Variants in ZHX2 observed in about 807,000 individuals in gnomAD.
ZHX2 encodes zinc fingers and homeoboxes 2, also known as zinc fingers and homeoboxes protein 2.
In ZHX2, 6 loss-of-function variants were observed where a neutral mutation model predicts 21.9. The ratio of observed to expected loss-of-function variants is 0.27; its 90% CI spans 0.15 to 0.54. The LOEUF (loss-of-function observed/expected upper bound fraction) is 0.54, where lower values mean the gene tolerates loss of function less well. ZHX2 is among the 20% of genes least tolerant of loss of function. The pLI, the probability that ZHX2 is intolerant of heterozygous loss-of-function variation, is 0.95. For missense variants in ZHX2, 908 were observed against 1,090.7 expected, an observed-to-expected ratio of 0.83 and a Z score of 2.36; for synonymous variants, 434 against 437.1, an observed-to-expected ratio of 0.99 and a Z score of 0.09.
chr8:122,845,613 G>C (rs1818735375), intron 1 of ZHX2, among the ~76,000 whole-genome samples: 1 of 152,212 alleles, frequency 6.6e-6, no homozygotes, highest in Non-Finnish European at 1.5e-5. Context: ...TAGAAGGCAT[G>C]GAAACAAGAG....
At chr8:122,943,777 G>C (rs1388005937) in intron 2 of ZHX2, among the ~76,000 whole-genome samples, 1 of 152,132 alleles carries the variant, frequency 6.6e-6, no homozygotes, top group Non-Finnish European at 1.5e-5. Flanking sequence ...GTTCTTCATT[G>C]ATGTGCCTCT....
In ZHX2 at chr8:122,973,559, T is replaced by C. The variant is rs1813782449; in HGVS notation, c.*322T>C. 1 of 152,670 alleles carries C rather than the reference T, an allele frequency of 6.6e-6. No homozygotes were observed. The highest frequency in any genetic ancestry group is 2.1e-4 in the South Asian group (1 of 4,832). 9.5% of individuals were successfully genotyped at this position (152,670 alleles called of 1,614,324 possible). On this transcript the variant is annotated 3_prime_UTR_variant, in exon 4 of 4. Coordinates refer to ENST00000314393, the MANE Select transcript of ZHX2 (RefSeq NM_014943.5). The stretch of plus-strand genomic sequence containing the variant: ...TGTACAATGTGGGAATTTTGTTACC[T>C]TTTTAATCAAGGGCAACTTCCTTTT...
chr8:122,948,655 A>G (rs1303638494), intron 2 of ZHX2, among the ~76,000 whole-genome samples: 5 of 152,370 alleles, frequency 3.3e-5, no homozygotes, highest in Non-Finnish European at 5.9e-5. Flanking sequence ...TACACAGATT[A>G]GATAACCCAG....
chr8:122,882,701 G>T (rs1037102319), intron 2 of ZHX2, among the ~76,000 whole-genome samples: 3 of 152,164 alleles, frequency 2.0e-5, no homozygotes, highest in Non-Finnish European at 2.9e-5. Context: ...AAACCAAGAG[G>T]CTGGGCACAG....
At chr8:122,861,035 CAA>C (rs36046690) in intron 1 of ZHX2, among the ~76,000 whole-genome samples, 20,719 of 64,486 alleles carry the variant, frequency 0.32, 859 homozygotes, top group East Asian at 0.38. Flanking sequence ...GACTTCGTCT[CAA>C]AAAAAAAAAA....
At chr8:122,970,896 C>G (rs957353209) in intron 3 of ZHX2, among the ~76,000 whole-genome samples, 5 of 152,326 alleles carry the variant, frequency 3.3e-5, no homozygotes, top group African/African-American at 1.2e-4. Flanking sequence ...CCACCATGCT[C>G]TCTTCAATTG....
chr8:122,788,446 A>G (rs907721848), intron 1 of ZHX2, among the ~76,000 whole-genome samples: 4 of 152,214 alleles, frequency 2.6e-5, no homozygotes, highest in Admixed American at 1.3e-4. Context: ...ACACACCTGT[A>G]GTCCCAGCTA....
At chr8:122,947,530 T>C (rs749425346) in intron 2 of ZHX2, among the ~76,000 whole-genome samples, 1 of 152,220 alleles carries the variant, frequency 6.6e-6, no homozygotes, top group African/African-American at 2.4e-5. Context: ...ATACAAATGA[T>C]AAACAAGTGG....
chr8:122,869,378 A>G (rs1317818992), intron 2 of ZHX2, among the ~76,000 whole-genome samples: 1 of 149,104 alleles, frequency 6.7e-6, no homozygotes, highest in Non-Finnish European at 1.5e-5. Context: ...CCCAGGCTGG[A>G]GTGCAGTGCT....
chr8:122,849,985 TGA>T (rs2130737399), intron 1 of ZHX2, among the ~76,000 whole-genome samples: 1 of 152,340 alleles, frequency 6.6e-6, no homozygotes, highest in East Asian at 1.9e-4. Context: ...CAACTTTCAT[TGA>T]GAGGCTTCCC....
chr8:122,905,575 A>T (rs1386368370), intron 2 of ZHX2, among the ~76,000 whole-genome samples: 1 of 152,254 alleles, frequency 6.6e-6, no homozygotes. Flanking sequence ...AACATCAGGA[A>T]GGAAAGAAGA....
intron 2 of ZHX2, among the ~76,000 whole-genome samples, chr8:122,924,212 A>C (rs1028861149): frequency 6.6e-6 from 1 of 152,122 alleles, no homozygotes; most frequent in Admixed American, 6.6e-5. Flanking sequence ...GCTCCCTCTG[A>C]AGCCTCTAGG....
intron 1 of ZHX2, among the ~76,000 whole-genome samples, chr8:122,818,088 G>A (rs182586199): frequency 2.6e-5 from 4 of 152,192 alleles, no homozygotes; most frequent in East Asian, 1.9e-4. Context: ...TCTTGGCTTC[G>A]GAGGCAAGGA....
intron 1 of ZHX2, among the ~76,000 whole-genome samples, chr8:122,851,203 G>C (rs1354368561): frequency 1.3e-5 from 2 of 152,118 alleles, no homozygotes; most frequent in East Asian, 3.8e-4. Flanking sequence ...AAGATTTATG[G>C]ATAAAATGAA....
intron 2 of ZHX2, among the ~76,000 whole-genome samples, chr8:122,950,788 G>A (rs1050770100): frequency 1.3e-5 from 2 of 151,850 alleles, no homozygotes; most frequent in African/African-American, 2.4e-5. Context: ...CAATATTGGG[G>A]GGGTGATTGC....
intron 1 of ZHX2, among the ~76,000 whole-genome samples, chr8:122,785,202 T>C (rs1817371010): frequency 6.6e-6 from 1 of 152,212 alleles, no homozygotes; most frequent in Non-Finnish European, 1.5e-5. Flanking sequence ...AGAGGAACAA[T>C]GTCCAGAGGT....
At chr8:122,852,365 G>C (rs28711058) in intron 1 of ZHX2, among the ~76,000 whole-genome samples, 1,824 of 152,062 alleles carry the variant, frequency 0.012, 37 homozygotes, top group African/African-American at 0.039. Flanking sequence ...AAGGTGCAAG[G>C]CACATTCAAA....
intron 3 of ZHX2, among the ~76,000 whole-genome samples, chr8:122,957,214 C>A (rs1813326168): frequency 6.6e-6 from 1 of 151,322 alleles, no homozygotes; most frequent in Non-Finnish European, 1.5e-5. Context: ...CTTCCTCCTG[C>A]CATCTTTACC....
At chr8:122,840,491 A>G (rs1041718721) in intron 1 of ZHX2, among the ~76,000 whole-genome samples, 6 of 152,254 alleles carry the variant, frequency 3.9e-5, no homozygotes, top group Non-Finnish European at 4.4e-5. Context: ...AAGATTAACC[A>G]TTGTGATGAG....
Sources: gnomAD v4.1 joint callset for allele counts (sites outside exome capture counted in the v4.1 genomes callset) on GRCh38, gnomAD v4.1.1 for gene constraint, MANE v1.5 for transcripts, NCBI Gene and HGNC (gene_info 2026-07-23, HGNC 2026-07-21) for gene names.